The following GLS2 variants were observed in gnomAD, a reference collection of about 807,000 sequenced individuals.
GLS2 encodes glutaminase 2, also known as glutaminase liver isoform, mitochondrial.
In GLS2, 52 loss-of-function variants were observed where a neutral mutation model predicts 79.0. The observed-to-expected ratio is 0.66, with a 90% CI of 0.53 to 0.83. GLS2 has a LOEUF of 0.83. GLS2 is among the 40% of genes least tolerant of loss of function. GLS2 has a pLI of 0.00. For synonymous variants in GLS2, 238 were observed against 280.8 expected (o/e 0.85, Z 1.52); for missense variants, 561 against 764.8 (o/e 0.73, Z 3.14).
At chr12:56,483,991 G>T (rs924450796) in intron 1 of GLS2, among the ~76,000 whole-genome samples, 1 of 152,150 alleles carries the variant, frequency 6.6e-6, no homozygotes, top group Non-Finnish European at 1.5e-5. Context: ...GGTAAGACTG[G>T]CTGGGCATGG....
At chr12:56,479,696 A>G (rs1870129517) in intron 3 of GLS2, 84 bp downstream of exon 3, 4 of 1,453,882 alleles carry the variant, frequency 2.8e-6, no homozygotes, top group East Asian at 2.3e-5. Flanking sequence ...GAACTATACA[A>G]TTCCCAAATT....
At chr12:56,476,590 A>AT (rs761969192) in intron 7 of GLS2, 5,591 of 125,960 alleles carry the variant, frequency 0.044, 247 homozygotes, top group African/African-American at 0.091. Context: ...CCCTGCCTCA[A>AT]TTTTTTTTTT....
intron 1 of GLS2, 177 bp from the exon 2 acceptor site, chr12:56,480,564 T>C: frequency 1.7e-6 from 1 of 588,546 alleles, no homozygotes; most frequent in East Asian, 2.9e-5. Flanking sequence ...GTTGTAGATC[T>C]TTTCTCTAGC....
rs1450723535 is a variant in GLS2 at position 56,478,703 on chromosome 12, C to T, written c.534+349G>A. 19 of 258,458 alleles carry T rather than the reference C, an allele frequency of 7.4e-5. No individual in the cohort carries two copies. In the Admixed American group the frequency reaches 8.5e-4, roughly 12 times the overall value. The allele number at this position is 258,458 out of a possible 1,614,324, so 16.0% of individuals were successfully genotyped here. On this transcript the variant is annotated intron_variant, in intron 4 of 17. Coordinates refer to ENST00000311966, the MANE Select transcript of GLS2 (RefSeq NM_013267.4). ...CCAGCCCCAGGAAATCTCTGAGAAGCGAGGTATATCTAGGTGTGGTGGCTC... is the reference window on the plus strand; with the variant it reads ...CCAGCCCCAGGAAATCTCTGAGAAGTGAGGTATATCTAGGTGTGGTGGCTC...
In GLS2 at chr12:56,477,266, G is replaced by A. The variant is rs145508467; in HGVS notation, c.837+394C>T. On this transcript the variant is annotated intron_variant, in intron 7 of 17. Transcript: ENST00000311966. Reference sequence around the variant, plus strand: ...TGACGTGAATAACTGCCCTGGCCTGGCCATTCACCCTTGCCTGCAGGTGTC... The same window carrying A: ...TGACGTGAATAACTGCCCTGGCCTGACCATTCACCCTTGCCTGCAGGTGTC... The A allele has an allele frequency of 4.1e-4, 66 of 162,186 alleles. 1 individual carries two copies. The highest frequency in any genetic ancestry group is 1.5e-3 in the African/African-American group (62 of 41,882). 10.0% of individuals were successfully genotyped at this position (162,186 alleles called of 1,614,324 possible).
At chr12:56,473,664 G>C in intron 12 of GLS2, 70 bp from the exon 13 acceptor site, 1 of 1,529,024 alleles carries the variant, frequency 6.5e-7, no homozygotes, top group South Asian at 1.3e-5. Context: ...AAGTTAGGCT[G>C]TACTCTTAAC....
At chr12:56,472,426 T>C in intron 15 of GLS2, 1 of 605,354 alleles carries the variant, frequency 1.7e-6, no homozygotes. Context: ...CTACCTGTGG[T>C]AAGTGCCCAT....
At chr12:56,471,884 CT>C in intron 16 of GLS2, 48 bp from the exon 17 acceptor site, 1 of 1,586,306 alleles carries the variant, frequency 6.3e-7, no homozygotes, top group South Asian at 1.1e-5. Flanking sequence ...GTCTTGAACC[CT>C]TTGGTGCAGA....
At position 56,475,027 on chromosome 12, in the gene GLS2, C is replaced by A. The variant is rs111732164; in HGVS notation, c.996+17G>T. ...CAGAATTCCCAGGGACTTTCTCTTC[C>A]GGCCTCTTCTGGTTACCTTCTTTTC... On this transcript the variant is annotated intron_variant, in intron 10 of 17. Coordinates refer to ENST00000311966, the MANE Select transcript of GLS2 (RefSeq NM_013267.4). 6.2e-7 allele frequency: 1 copy of A among 1,614,070 alleles called. No individual in the cohort carries two copies. The highest frequency in any genetic ancestry group is 8.5e-7 in the Non-Finnish European group (1 of 1,180,036).
Position 56,471,650 on chromosome 12 carries a change from G to A in GLS2, c.1653-7C>T, listed in dbSNP as rs761307380. On this transcript the variant is annotated splice_polypyrimidine_tract_variant and splice_region_variant and intron_variant, in intron 17 of 17. Coordinates refer to ENST00000311966, the MANE Select transcript of GLS2 (RefSeq NM_013267.4). ...CAGGGGAATGTTGCCCCACCTGAGA[G>A]GAATAATGATATGATCAGGCAAAGG... 14 of 1,613,910 alleles carry A rather than the reference G, an allele frequency of 8.7e-6. No homozygotes were observed. In the Admixed American group the frequency reaches 2.2e-4, roughly 25 times the overall value.
intron 1 of GLS2, chr12:56,487,610 A>T (rs1440484890): frequency 1.9e-5 from 8 of 416,838 alleles, no homozygotes; most frequent in Admixed American, 4.3e-5. Context: ...AGGGAAGGTG[A>T]GGACTGGCGG....
At chr12:56,476,484 T>C (rs1869824465) in intron 7 of GLS2, 1 of 164,276 alleles carries the variant, frequency 6.1e-6, no homozygotes, top group Admixed American at 6.0e-5. Flanking sequence ...GCCAGCATGA[T>C]GGTTCATGCC....
intron 12 of GLS2, 164 bp downstream of exon 12, chr12:56,474,380 G>T: frequency 1.3e-6 from 1 of 777,888 alleles, no homozygotes; most frequent in Non-Finnish European, 2.0e-6. Context: ...CGAGGAACTT[G>T]GTGTTTTTGA....
At chr12:56,478,529 GT>G in intron 4 of GLS2, 2 of 458,882 alleles carry the variant, frequency 4.4e-6, no homozygotes, top group Non-Finnish European at 7.9e-6. Flanking sequence ...TCCCCTTTTG[GT>G]TCTTAGGCTC....
At chr12:56,480,410 G>A in intron 1 of GLS2, 23 bp from the exon 2 acceptor site, 1 of 1,593,304 alleles carries the variant, frequency 6.3e-7, no homozygotes, top group South Asian at 1.1e-5. Flanking sequence ...AGAGAATGGG[G>A]AGGAAAGTGG....
intron 14 of GLS2, 92 bp from the exon 15 acceptor site, chr12:56,472,843 G>T (rs1302580110): frequency 9.6e-7 from 1 of 1,040,748 alleles, no homozygotes; most frequent in Admixed American, 1.7e-5. Flanking sequence ...TTAGTCCAAG[G>T]GTATTGCTGA....
chr12:56,471,973 A>G (rs1869316173), intron 16 of GLS2, 137 bp from the exon 17 acceptor site: 2 of 1,262,748 alleles, frequency 1.6e-6, no homozygotes, highest in Non-Finnish European at 2.3e-6. Flanking sequence ...GCACTCAGTC[A>G]TAGTCTAGCT....
chr12:56,472,975 T>G (rs1166734283), intron 14 of GLS2: 3 of 570,930 alleles, frequency 5.3e-6, no homozygotes, highest in Middle Eastern at 4.7e-4. Flanking sequence ...CTGCAACCTC[T>G]GCCTCCCGGT....
chr12:56,475,925 T>C lies in GLS2; in HGVS notation c.870+20A>G, dbSNP rs368359918. On this transcript the variant is annotated intron_variant, in intron 8 of 17. Coordinates refer to ENST00000311966, the MANE Select transcript of GLS2 (RefSeq NM_013267.4). ...GCCATGGCGAAATGCAGCCAGGGGC[T>C]AAGTAGCAAGGGAACTTACAAAATC... 1.5e-4 allele frequency: 237 copies of C among 1,613,760 alleles called. 1 individual carries two copies. In the African/African-American group the frequency reaches 2.7e-3, roughly 18 times the overall value.
Sources: allele counts gnomAD v4.1 joint callset (sites outside exome capture counted in the v4.1 genomes callset), GRCh38; gene constraint gnomAD v4.1.1; transcripts MANE v1.5; gene names NCBI Gene and HGNC (gene_info 2026-07-23, HGNC 2026-07-21).